NEDD4L: variants seen among roughly 807,000 people sequenced by gnomAD.
NEDD4L encodes E3 ubiquitin-protein ligase NEDD4-like.
NEDD4L carries 54 observed loss-of-function variants against 148.9 expected under a neutral mutation model. That is an observed-to-expected ratio of 0.36 (90% CI 0.29 to 0.45). The LOEUF is 0.45. Ranked by LOEUF, NEDD4L falls within the 20% of genes least tolerant of loss-of-function variation. The pLI, the probability that NEDD4L is intolerant of heterozygous loss-of-function variation, is 1.00. For missense variants in NEDD4L, 856 were observed against 1,233.8 expected, an observed-to-expected ratio of 0.69 and a Z score of 4.59; for synonymous variants, 433 against 440.7, an observed-to-expected ratio of 0.98 and a Z score of 0.22.
rs368229618 is a variant in NEDD4L, at chr18:58,330,725, C to G, written c.814-13C>G. The G allele has an allele frequency of 7.0e-4, 1,082 of 1,550,514 alleles. 1 individual carries two copies. The highest frequency in any genetic ancestry group is 8.5e-4 in the Non-Finnish European group (974 of 1,145,756). ...CTTTCTAGTGTTTACCCCAGTGTCT[C>G]CTTCTCTGAAAGCCTTGGGAGACCA... is the stretch of plus-strand genomic sequence containing the variant. On this transcript the variant is annotated splice_polypyrimidine_tract_variant and intron_variant, in intron 10 of 30. Coordinates refer to ENST00000400345, the MANE Select transcript of NEDD4L (RefSeq NM_001144967.3).
rs1201311113 is a variant in NEDD4L, at chr18:58,227,357, G to A, written c.123-18070G>A. 2.0e-5 allele frequency among the ~76,000 whole-genome samples: 3 copies of A among 152,280 alleles called. No individual in the cohort carries two copies. In the South Asian group the frequency reaches 6.2e-4, roughly 32 times the overall value. On this transcript the variant is annotated intron_variant, in intron 2 of 30. Coordinates refer to ENST00000400345, the MANE Select transcript of NEDD4L (RefSeq NM_001144967.3). ...AGGGTCTGTGTGAGGGAGTCTCCAG[G>A]CAGTCTTCCTGGGGGTGTCCTGAAG...
At chr18:58,058,270 C>A (rs1033655298) in intron 1 of NEDD4L, among the ~76,000 whole-genome samples, 1 of 152,244 alleles carries the variant, frequency 6.6e-6, no homozygotes, top group Non-Finnish European at 1.5e-5. Context: ...GGTGCCACTG[C>A]ACTCTAGCCT....
At chr18:58,394,454 AC>A (rs1215125940) in intron 30 of NEDD4L, among the ~76,000 whole-genome samples, 1 of 152,092 alleles carries the variant, frequency 6.6e-6, no homozygotes, top group African/African-American at 2.4e-5. Context: ...TGGGCCTGAG[AC>A]CCCCATAGGG....
intron 9 of NEDD4L, among the ~76,000 whole-genome samples, chr18:58,326,326 C>A (rs957932482): frequency 1.1e-4 from 16 of 152,206 alleles, no homozygotes; most frequent in African/African-American, 3.9e-4. Context: ...CCAGCACGGG[C>A]ATTAGCTCAG....
intron 1 of NEDD4L, among the ~76,000 whole-genome samples, chr18:58,080,944 TG>T (rs1204135826): frequency 6.6e-6 from 1 of 151,988 alleles, no homozygotes; most frequent in Non-Finnish European, 1.5e-5. Flanking sequence ...GGTAGAGGGC[TG>T]GGGGGTATGA....
At position 58,220,714 on chromosome 18, in the gene NEDD4L, CGCATCT is replaced by C. The variant is rs1247001948; in HGVS notation, c.123-24710_123-24705del. On this transcript the variant is annotated intron_variant, in intron 2 of 30. Transcript: ENST00000400345. ...AACTGGGGACACTTCCTATTAGAGC[CGCATCT>C]GCTGGGGTGGAGGGCTGCATGGGTT... 3.9e-5 allele frequency among the ~76,000 whole-genome samples: 6 copies of C among 152,238 alleles called. No homozygotes were observed. In the East Asian group the frequency reaches 1.2e-3, roughly 29 times the overall value.
At chr18:58,098,841 T>C (rs1440962480) in intron 1 of NEDD4L, among the ~76,000 whole-genome samples, 1 of 152,214 alleles carries the variant, frequency 6.6e-6, no homozygotes, top group African/African-American at 2.4e-5. Flanking sequence ...ATCAAATTGC[T>C]GACGTCTCTG....
rs770204063 is a variant in NEDD4L, at chr18:58,373,283, A to G, written c.2352+14A>G. On this transcript the variant is annotated intron_variant, in intron 24 of 30. Transcript: ENST00000400345. ...AACTTTGGACAGGTACATGTGGGTA[A>G]CCCTGGGAACTCTTCTTTAGCTTTC... 6.8e-7 allele frequency: 1 copy of G among 1,475,224 alleles called. No homozygotes were observed. Among genetic ancestry groups the G allele is most frequent in the South Asian group, 1.2e-5 (1 of 82,976 alleles). The allele number at this position is 1,475,224 out of a possible 1,614,324, so 91.4% of individuals were successfully genotyped here.
chr18:58,375,776 AG>A (rs1394767232), intron 24 of NEDD4L, among the ~76,000 whole-genome samples: 1 of 152,122 alleles, frequency 6.6e-6, no homozygotes, highest in Non-Finnish European at 1.5e-5. Context: ...CAAACGAATG[AG>A]GAGTGCTAAC....
intron 3 of NEDD4L, among the ~76,000 whole-genome samples, chr18:58,246,617 A>G (rs1423282325): frequency 6.6e-6 from 1 of 152,102 alleles, no homozygotes; most frequent in Non-Finnish European, 1.5e-5. Context: ...AGTGTGCACC[A>G]CTATGCCCAG....
intron 29 of NEDD4L, among the ~76,000 whole-genome samples, chr18:58,391,236 C>T (rs1293983310): frequency 6.6e-6 from 1 of 152,186 alleles, no homozygotes; most frequent in Admixed American, 6.5e-5. Flanking sequence ...GCCTGCCTTT[C>T]CACGTAACTG....
At chr18:58,211,061 GAGAA>G (rs2042557723) in intron 2 of NEDD4L, among the ~76,000 whole-genome samples, 1 of 152,078 alleles carries the variant, frequency 6.6e-6, no homozygotes, top group Non-Finnish European at 1.5e-5. Flanking sequence ...AGTACAATCT[GAGAA>G]AGCGAACTAG....
chr18:58,174,093 C>T (rs1198161674), intron 2 of NEDD4L, among the ~76,000 whole-genome samples: 2 of 151,724 alleles, frequency 1.3e-5, no homozygotes, highest in Non-Finnish European at 1.5e-5. Context: ...TGCATGGCAC[C>T]CAAGAAGAAT....
intron 1 of NEDD4L, among the ~76,000 whole-genome samples, chr18:58,062,973 GCGAAACTCCATCT>G: frequency 8.8e-6 from 1 of 113,644 alleles, no homozygotes; most frequent in African/African-American, 3.1e-5. Context: ...GGGCGACAGA[GCGAAACTCCATCT>G]CAAAAAAAAA....
chr18:58,380,481 G>T (rs1182840696), intron 24 of NEDD4L, among the ~76,000 whole-genome samples: 1 of 151,990 alleles, frequency 6.6e-6, no homozygotes, highest in Non-Finnish European at 1.5e-5. Context: ...ACCACTCCCA[G>T]CTAATTTTTG....
At chr18:58,165,557 A>G (rs1482794792) in intron 1 of NEDD4L, 19 of 690,072 alleles carry the variant, frequency 2.8e-5, no homozygotes, top group Admixed American at 1.9e-4. Context: ...ACTTTGAATT[A>G]AACTTGTGCT....
intron 18 of NEDD4L, among the ~76,000 whole-genome samples, chr18:58,351,530 A>G (rs1402174319): frequency 6.6e-6 from 1 of 152,178 alleles, no homozygotes; most frequent in Non-Finnish European, 1.5e-5. Flanking sequence ...ACACTAATAT[A>G]TATGTATTTT....
chr18:58,241,482 C>G (rs11874316), intron 2 of NEDD4L, among the ~76,000 whole-genome samples: 2,746 of 152,310 alleles, frequency 0.018, 30 homozygotes, highest in Middle Eastern at 0.037. Context: ...CTATGTGTGC[C>G]TTCAGACTCC....
chr18:58,080,743 C>A lies in NEDD4L; in HGVS notation c.48+36035C>A, dbSNP rs75594863. Among the ~76,000 whole-genome samples the A allele has an allele frequency of 1.4e-3, 218 of 152,270 alleles. 2 individuals carry two copies. The East Asian group carries it at 0.021, about 14-fold the overall frequency. On this transcript the variant is annotated intron_variant, in intron 1 of 30. Coordinates refer to ENST00000400345, the MANE Select transcript of NEDD4L (RefSeq NM_001144967.3). ...CAAGATTAAGCAAGCAAGAAAAAGA[C>A]AAAAGAAAGCCATCATTTAGTAACT... is the stretch of plus-strand genomic sequence containing the variant.
Sources: gnomAD v4.1 joint callset for allele counts (sites outside exome capture counted in the v4.1 genomes callset) on GRCh38, gnomAD v4.1.1 for gene constraint, MANE v1.5 for transcripts, NCBI Gene and HGNC (gene_info 2026-07-23, HGNC 2026-07-21) for gene names.